Variants in EXTL3 observed in about 807,000 individuals in gnomAD.
EXTL3 encodes the protein exostosin like glycosyltransferase 3, also known as exostosin-like 3.
A neutral mutation model predicts 69.3 loss-of-function variants in EXTL3; 27 were observed. That is an observed-to-expected ratio of 0.39 (90% CI 0.29 to 0.54). The LOEUF (loss-of-function observed/expected upper bound fraction) is 0.54. Ranked by LOEUF, EXTL3 falls within the 20% of genes least tolerant of loss-of-function variation. The probability of loss-of-function intolerance (pLI) is 0.69; values close to 1 mark genes in which losing one functional copy is unlikely to be tolerated. For synonymous variants in EXTL3, 511 were observed against 499.4 expected (o/e 1.02, Z -0.31); for missense variants, 1,003 against 1,231.8 (o/e 0.81, Z 2.78).
downstream of EXTL3, among the ~76,000 whole-genome samples, chr8:28,755,849 T>G (rs1324537074): frequency 6.6e-6 from 1 of 152,224 alleles, no homozygotes; most frequent in Non-Finnish European, 1.5e-5. Context: ...GGTCCCACAT[T>G]TCAAACATAC....
chr8:28,672,983 T>C (rs1807322010), intron 1 of EXTL3, among the ~76,000 whole-genome samples: 1 of 152,210 alleles, frequency 6.6e-6, no homozygotes, highest in Non-Finnish European at 1.5e-5. Context: ...AACTCTCATT[T>C]GCTCTTGCCT....
At chr8:28,683,996 T>G (rs143839091) in intron 1 of EXTL3, among the ~76,000 whole-genome samples, 6 of 152,344 alleles carry the variant, frequency 3.9e-5, no homozygotes, top group African/African-American at 1.2e-4. Context: ...GTTGTTTTAA[T>G]TCTTAGCTCC....
chr8:28,608,096 C>T (rs1294830091), intron 2 of EXTL3, among the ~76,000 whole-genome samples: 3 of 147,944 alleles, frequency 2.0e-5, no homozygotes, highest in Admixed American at 6.8e-5. Flanking sequence ...GGCGACAGAG[C>T]GAGACACCAT....
intron 4 of EXTL3, among the ~76,000 whole-genome samples, chr8:28,733,566 T>G (rs1421205871): frequency 4.0e-5 from 6 of 151,276 alleles, no homozygotes; most frequent in Non-Finnish European, 7.4e-5. Context: ...TTACATTTTT[T>G]TTTTTTTTTT....
At chr8:28,656,030 A>T (rs1398190459) in intron 1 of EXTL3, among the ~76,000 whole-genome samples, 4 of 152,200 alleles carry the variant, frequency 2.6e-5, no homozygotes, top group African/African-American at 9.6e-5. Context: ...ATGCAGGATC[A>T]TTGAGAACCT....
intron 1 of EXTL3, among the ~76,000 whole-genome samples, chr8:28,637,072 A>G (rs1249126718): frequency 6.6e-6 from 1 of 152,306 alleles, no homozygotes; most frequent in African/African-American, 2.4e-5. Flanking sequence ...TATATCAGCC[A>G]ACCTAAAAGT....
intron 1 of EXTL3, among the ~76,000 whole-genome samples, chr8:28,629,027 C>G (rs1202915517): frequency 6.6e-6 from 1 of 152,116 alleles, no homozygotes; most frequent in African/African-American, 2.4e-5. Context: ...GCAGAGATGG[C>G]ATTTAGTTCA....
chr8:28,639,249 G>A (rs1290150308), intron 1 of EXTL3, among the ~76,000 whole-genome samples: 1 of 151,930 alleles, frequency 6.6e-6, no homozygotes, highest in East Asian at 1.9e-4. Flanking sequence ...AATCATTTTT[G>A]ACTCCTCTTC....
chr8:28,671,248 C>A (rs988327966), intron 1 of EXTL3, among the ~76,000 whole-genome samples: 14 of 148,942 alleles, frequency 9.4e-5, no homozygotes, highest in African/African-American at 3.2e-4. Flanking sequence ...TCCCAAAGTG[C>A]TGGGATTACA....
rs143586740 is a variant in EXTL3, at chr8:28,737,725, G to A, written c.2421+62G>A. 3,035 of 1,538,404 alleles carry A rather than the reference G, an allele frequency of 2.0e-3. 13 individuals carry two copies. Among genetic ancestry groups the A allele is most frequent in the Middle Eastern group, 8.8e-3 (51 of 5,802 alleles). ...GAGAGTTTCACCTTTGTGTGGTAGC[G>A]GAATGCTGCCCTCAGCTTAGCTCTC... is the stretch of plus-strand genomic sequence containing the variant. On this transcript the variant is annotated intron_variant, in intron 5 of 6. Coordinates refer to ENST00000220562, the MANE Select transcript of EXTL3 (RefSeq NM_001440.4).
At chr8:28,661,667 G>C (rs1807117316) in intron 1 of EXTL3, among the ~76,000 whole-genome samples, 2 of 151,816 alleles carry the variant, frequency 1.3e-5, no homozygotes, top group Non-Finnish European at 1.5e-5. Context: ...ATCATTTGAG[G>C]TCAGGAGTTC....
At chr8:28,645,777 C>T (rs1286097174) in intron 1 of EXTL3, among the ~76,000 whole-genome samples, 1 of 151,506 alleles carries the variant, frequency 6.6e-6, no homozygotes, top group Non-Finnish European at 1.5e-5. Flanking sequence ...AATCTACCCA[C>T]CTTGGCCTTC....
chr8:28,640,747 C>T (rs1806730062), intron 1 of EXTL3, among the ~76,000 whole-genome samples: 8 of 152,106 alleles, frequency 5.3e-5, no homozygotes, highest in Admixed American at 5.2e-4. Context: ...GGACCACAGG[C>T]ATGTGCCACT....
chr8:28,716,200 C>T lies in EXTL3; in HGVS notation c.141C>T (p.Ala47=), dbSNP rs375815743. Residue 47 remains alanine, a synonymous_variant, in exon 3 of 7, where the codon GCC becomes GCT. Coordinates refer to ENST00000220562, the MANE Select transcript of EXTL3 (RefSeq NM_001440.4). The surrounding 1 kb of genome is among the most constrained non-coding windows in gnomAD (Gnocchi z 7.1). ...TCCTGGTCTTCTTCCCGCTCATCGC[C>T]CACTATTACCTCACCACTCTGGATG... ...FVILVFFPLI[A]HYYLTTLDEA... 272 of 1,614,074 alleles carry T rather than the reference C, an allele frequency of 1.7e-4. No individual in the cohort carries two copies. Among genetic ancestry groups the T allele is most frequent in the Admixed American group, 4.3e-4 (26 of 60,012 alleles).
At chr8:28,610,503 G>A (rs1806257470) in intron 2 of EXTL3, among the ~76,000 whole-genome samples, 1 of 152,104 alleles carries the variant, frequency 6.6e-6, no homozygotes, top group Admixed American at 6.6e-5. Context: ...GGGATGAACT[G>A]GGATCCCAGA....
intron 1 of EXTL3, among the ~76,000 whole-genome samples, chr8:28,651,155 C>T (rs188560011): frequency 3.0e-4 from 46 of 152,232 alleles, no homozygotes; most frequent in Admixed American, 1.7e-3. Context: ...AGTGCCATGT[C>T]GTTGCTCAAA....
At chr8:28,719,380 C>T (rs1019060902) in intron 3 of EXTL3, among the ~76,000 whole-genome samples, 1 of 152,186 alleles carries the variant, frequency 6.6e-6, no homozygotes, top group African/African-American at 2.4e-5. Context: ...GAGATGGAAG[C>T]CAGTATGTTT....
intron 1 of EXTL3, among the ~76,000 whole-genome samples, chr8:28,655,798 C>T (rs1014305169): frequency 6.6e-6 from 1 of 152,142 alleles, no homozygotes; most frequent in African/African-American, 2.4e-5. Context: ...TGGCCTAAAT[C>T]ATTCTTTCTT....
chr8:28,753,763 C>T lies in EXTL3; in HGVS notation c.*2897C>T, dbSNP rs1802063151. On this transcript the variant is annotated 3_prime_UTR_variant, in exon 7 of 7. Transcript: ENST00000220562. ...CTGAGAGAAGGCACCTGCTTGATTG[C>T]TTGATTCCAGGTCGCCACCTGTGTA... is the stretch of plus-strand genomic sequence containing the variant. 6.6e-6 allele frequency: 1 copy of T among 152,622 alleles called. No homozygotes were observed. The highest frequency in any genetic ancestry group is 1.5e-5 in the Non-Finnish European group (1 of 68,070). The allele number at this position is 152,622 out of a possible 1,614,324, so 9.5% of individuals were successfully genotyped here.
Sources: allele counts gnomAD v4.1 joint callset (sites outside exome capture counted in the v4.1 genomes callset), GRCh38; gene constraint gnomAD v4.1.1; non-coding constraint Gnocchi (gnomAD v3.1); transcripts MANE v1.5; gene names NCBI Gene and HGNC (gene_info 2026-07-23, HGNC 2026-07-21).